The following SDK1 variants were observed in gnomAD, a reference collection of about 807,000 sequenced individuals.
SDK1 encodes sidekick cell adhesion molecule 1.
In SDK1, 157 loss-of-function variants were observed where a neutral mutation model predicts 245.5. The observed-to-expected ratio is 0.64, with a 90% CI of 0.56 to 0.73. The LOEUF is 0.73. Ranked by LOEUF, SDK1 falls within the 30% of genes least tolerant of loss-of-function variation. The pLI, the probability that SDK1 is intolerant of heterozygous loss-of-function variation, is 0.00. For missense variants in SDK1, 3,583 were observed against 3,002.3 expected (o/e 1.19, Z -4.52); for synonymous variants, 1,647 against 1,278.5 (o/e 1.29, Z -6.15).
intron 4 of SDK1, among the ~76,000 whole-genome samples, chr7:3,740,837 AT>A (rs1779457446): frequency 6.6e-6 from 1 of 152,158 alleles, no homozygotes; most frequent in Admixed American, 6.5e-5. Flanking sequence ...CCATGTTCTC[AT>A]TGATTTTATG....
chr7:3,655,501 ATATGTATG>A (rs1283673481), intron 4 of SDK1, among the ~76,000 whole-genome samples: 2 of 52,822 alleles, frequency 3.8e-5, no homozygotes, highest in Non-Finnish European at 8.2e-5. Flanking sequence ...ATATATATAT[ATATGTATG>A]TATGTATATA....
intron 35 of SDK1, among the ~76,000 whole-genome samples, chr7:4,190,475 C>T (rs1471862084): frequency 1.3e-5 from 2 of 152,228 alleles, no homozygotes; most frequent in African/African-American, 4.8e-5. Context: ...CCGCAGGGGG[C>T]TCCCCGGGCG....
chr7:3,931,128 C>G (rs574302395), intron 5 of SDK1, among the ~76,000 whole-genome samples: 1 of 152,310 alleles, frequency 6.6e-6, no homozygotes, highest in African/African-American at 2.4e-5. Flanking sequence ...AGACAGGATC[C>G]TTGGGGCTTC....
chr7:3,737,931 T>C (rs757902482), intron 4 of SDK1, among the ~76,000 whole-genome samples: 1 of 152,246 alleles, frequency 6.6e-6, no homozygotes, highest in Non-Finnish European at 1.5e-5. Flanking sequence ...ATGAAACTTT[T>C]CTTGGTTTCT....
intron 4 of SDK1, among the ~76,000 whole-genome samples, chr7:3,820,621 A>G (rs1779621376): frequency 6.6e-6 from 1 of 152,208 alleles, no homozygotes; most frequent in South Asian, 2.1e-4. Flanking sequence ...AAGTAGTATA[A>G]TGAGAGTCTT....
intron 5 of SDK1, among the ~76,000 whole-genome samples, chr7:3,841,247 C>G (rs375188544): frequency 6.6e-6 from 1 of 152,122 alleles, no homozygotes; most frequent in East Asian, 1.9e-4. Flanking sequence ...GGCCGAGACC[C>G]AGAGAGGGCT....
chr7:3,505,289 C>G (rs555790137), intron 1 of SDK1, among the ~76,000 whole-genome samples: 1 of 152,140 alleles, frequency 6.6e-6, no homozygotes, highest in Admixed American at 6.5e-5. Flanking sequence ...CTCTGTCACC[C>G]AGTTTAGAGT....
chr7:4,080,467 T>C (rs1263022036), intron 22 of SDK1, among the ~76,000 whole-genome samples: 2 of 152,186 alleles, frequency 1.3e-5, no homozygotes, highest in South Asian at 2.1e-4. Flanking sequence ...TTTTCATGAC[T>C]GTACTTATGC....
intron 14 of SDK1, among the ~76,000 whole-genome samples, chr7:3,999,819 C>G (rs1784942974): frequency 6.6e-6 from 1 of 152,158 alleles, no homozygotes; most frequent in Admixed American, 6.5e-5. Context: ...AGGGAGAGTT[C>G]TTATCTCCCC....
chr7:3,965,658 C>T (rs953836234), intron 9 of SDK1, among the ~76,000 whole-genome samples: 5 of 152,086 alleles, frequency 3.3e-5, no homozygotes, highest in African/African-American at 1.2e-4. Context: ...GGTTCCTGTG[C>T]TTCCAGGACA....
chr7:3,335,022 A>T (rs1490639761), intron 1 of SDK1, among the ~76,000 whole-genome samples: 1 of 152,112 alleles, frequency 6.6e-6, no homozygotes, highest in East Asian at 1.9e-4. Context: ...CCATTAGTAA[A>T]TTCTGTTTTC....
chr7:4,252,120 A>G (rs1314686033), intron 44 of SDK1, among the ~76,000 whole-genome samples: 1 of 152,054 alleles, frequency 6.6e-6, no homozygotes, highest in African/African-American at 2.4e-5. Context: ...GGTTTGTTAC[A>G]TATATATACA....
chr7:3,648,547 A>G (rs1396702376), intron 4 of SDK1, among the ~76,000 whole-genome samples: 3 of 152,250 alleles, frequency 2.0e-5, no homozygotes, highest in African/African-American at 4.8e-5. Context: ...ATAATTGTCC[A>G]TGCTTAAATA....
At chr7:4,081,621 T>C (rs1298278081) in intron 22 of SDK1, among the ~76,000 whole-genome samples, 2 of 152,026 alleles carry the variant, frequency 1.3e-5, no homozygotes, top group Non-Finnish European at 2.9e-5. Context: ...GGTTTCACCA[T>C]GTTAGCCAGG....
intron 2 of SDK1, among the ~76,000 whole-genome samples, chr7:3,638,299 A>G (rs1288015706): frequency 6.6e-6 from 1 of 152,140 alleles, no homozygotes; most frequent in Admixed American, 6.5e-5. Context: ...TACCCAAAGG[A>G]TTATAAATCA....
At chr7:3,837,413 G>T (rs542333710) in intron 5 of SDK1, among the ~76,000 whole-genome samples, 1 of 152,308 alleles carries the variant, frequency 6.6e-6, no homozygotes, top group Admixed American at 6.5e-5. Context: ...ATTCTCCTAA[G>T]GAAGAGACTT....
At position 3,762,150 on chromosome 7, in the gene SDK1, A is replaced by T. The variant is rs187607651; in HGVS notation, c.714-59300A>T. ...CGGTTTGGGGGATTATATTTCTGCT[A>T]TTGAAATCTAAATACTCCTACAACA... On this transcript the variant is annotated intron_variant, in intron 4 of 44. Transcript: ENST00000404826. 1.4e-4 allele frequency among the ~76,000 whole-genome samples: 21 copies of T among 152,306 alleles called. No individual in the cohort carries two copies. The South Asian group carries it at 3.9e-3, about 29-fold the overall frequency.
At chr7:4,129,780 C>T (rs1047135096) in intron 26 of SDK1, 128 bp from the exon 27 acceptor site, 7 of 1,514,156 alleles carry the variant, frequency 4.6e-6, no homozygotes, top group South Asian at 1.3e-5. Context: ...AAGCCCTGCA[C>T]ACAGCCATCC....
At chr7:4,111,166 C>T (rs1057204923) in intron 23 of SDK1, among the ~76,000 whole-genome samples, 3 of 152,208 alleles carry the variant, frequency 2.0e-5, no homozygotes, top group Non-Finnish European at 4.4e-5. Context: ...GATCCTTCTG[C>T]TCCCCTTCCC....
Sources: allele counts gnomAD v4.1 joint callset (sites outside exome capture counted in the v4.1 genomes callset), GRCh38; gene constraint gnomAD v4.1.1; transcripts MANE v1.5; gene names NCBI Gene and HGNC (gene_info 2026-07-23, HGNC 2026-07-21).